The following MBD5 variants were observed in gnomAD, a reference collection of about 807,000 sequenced individuals.
MBD5 encodes methyl-CpG binding domain protein 5, also known as methyl-CpG-binding domain protein 5.
MBD5 carries 13 observed loss-of-function variants against 117.3 expected under a neutral mutation model. The ratio of observed to expected loss-of-function variants is 0.11; its 90% CI spans 0.07 to 0.18. MBD5 has a LOEUF of 0.18. Among genes scored for constraint, MBD5 ranks in the 10% least tolerant of loss-of-function variants. MBD5 has a pLI of 1.00. For missense variants in MBD5, 1,879 were observed against 2,093.8 expected (o/e 0.90, Z 2.00); for synonymous variants, 727 against 766.4 (o/e 0.95, Z 0.85).
intron 1 of MBD5, among the ~76,000 whole-genome samples, chr2:148,159,718 T>C (rs1417700075): frequency 2.0e-5 from 3 of 152,210 alleles, no homozygotes; most frequent in African/African-American, 7.2e-5. Flanking sequence ...AAACTCATAA[T>C]GCCTCTTCCG....
chr2:148,339,012 G>A (rs1702872985), intron 3 of MBD5, among the ~76,000 whole-genome samples: 1 of 152,314 alleles, frequency 6.6e-6, no homozygotes, highest in South Asian at 2.1e-4. Context: ...AACGTGGAGA[G>A]AAGCTAAAGT....
intron 4 of MBD5, among the ~76,000 whole-genome samples, chr2:148,388,529 A>C (rs1295372959): frequency 1.3e-5 from 2 of 152,348 alleles, no homozygotes; most frequent in African/African-American, 4.8e-5. Flanking sequence ...TATTTTATAC[A>C]TCATATAATT....
At chr2:148,089,109 A>G (rs1448065418) in intron 1 of MBD5, among the ~76,000 whole-genome samples, 1 of 152,136 alleles carries the variant, frequency 6.6e-6, no homozygotes, top group Non-Finnish European at 1.5e-5. Context: ...AGACACAGAC[A>G]GACATTATAC....
chr2:148,178,632 T>A lies in MBD5; in HGVS notation c.-924-68T>A, dbSNP rs1698443614. The A allele has an allele frequency of 7.6e-6, 3 of 394,206 alleles. No homozygotes were observed. The East Asian group carries it at 1.1e-4, about 14-fold the overall frequency. The allele number at this position is 394,206 out of a possible 1,614,324, so 24.4% of individuals were successfully genotyped here. A position where few individuals can be genotyped will look rare whatever the true frequency, so the allele number is the denominator to read the frequency against. ...ATGAAGAATAATTTCAATTTTTTTA[T>A]ATTTAAACTAAATGAAGCAATATCT... is the stretch of plus-strand genomic sequence containing the variant. On this transcript the variant is annotated intron_variant, in intron 1 of 13. Coordinates refer to ENST00000642680, the MANE Select transcript of MBD5 (RefSeq NM_001378120.1).
intron 1 of MBD5, among the ~76,000 whole-genome samples, chr2:148,147,679 T>C (rs949831910): frequency 6.6e-6 from 1 of 152,172 alleles, no homozygotes; most frequent in Non-Finnish European, 1.5e-5. Flanking sequence ...CTGTATTCTT[T>C]GTTGTGTGTG....
At chr2:148,467,797 T>G (rs1680603637) in intron 7 of MBD5, among the ~76,000 whole-genome samples, 1 of 152,198 alleles carries the variant, frequency 6.6e-6, no homozygotes, top group African/African-American at 2.4e-5. Flanking sequence ...ACGGTATCTG[T>G]TCTGAGAAGG....
chr2:148,316,015 AG>A (rs1340912587), intron 3 of MBD5, among the ~76,000 whole-genome samples: 1 of 152,194 alleles, frequency 6.6e-6, no homozygotes, highest in Non-Finnish European at 1.5e-5. Context: ...TAGAAGGTGA[AG>A]GGGAAGCAGG....
intron 1 of MBD5, among the ~76,000 whole-genome samples, chr2:148,038,438 A>G (rs1694256604): frequency 1.3e-5 from 2 of 150,908 alleles, no homozygotes; most frequent in Non-Finnish European, 1.5e-5. Flanking sequence ...TCAGGGTTGT[A>G]TCTTTTTTCT....
chr2:148,388,890 GTATGTAAT>G (rs902685329), intron 4 of MBD5, among the ~76,000 whole-genome samples: 1 of 151,910 alleles, frequency 6.6e-6, no homozygotes, highest in Non-Finnish European at 1.5e-5. Flanking sequence ...TGTTCCATGA[GTATGTAAT>G]GCTGGGGTTT....
At chr2:148,067,684 A>T (rs1316228170) in intron 1 of MBD5, among the ~76,000 whole-genome samples, 2 of 152,206 alleles carry the variant, frequency 1.3e-5, no homozygotes, top group African/African-American at 4.8e-5. Flanking sequence ...CTTGTCTTAC[A>T]TTATCCCCAG....
At chr2:148,334,885 G>T (rs1247976293) in intron 3 of MBD5, among the ~76,000 whole-genome samples, 1 of 152,058 alleles carries the variant, frequency 6.6e-6, no homozygotes, top group East Asian at 1.9e-4. Context: ...CAGTCTCAGG[G>T]TAAGACTTGA....
chr2:148,041,055 G>C (rs1022862528), intron 1 of MBD5, among the ~76,000 whole-genome samples: 3 of 152,028 alleles, frequency 2.0e-5, no homozygotes, highest in Non-Finnish European at 4.4e-5. Context: ...CTCAACCTCC[G>C]GGCTTAAGTG....
chr2:148,256,821 T>A (rs926917003), intron 3 of MBD5, among the ~76,000 whole-genome samples: 1 of 152,254 alleles, frequency 6.6e-6, no homozygotes, highest in Non-Finnish European at 1.5e-5. Flanking sequence ...CCCCATGACC[T>A]TATCTTGCAT....
At chr2:148,213,160 A>T (rs1454090300) in intron 2 of MBD5, among the ~76,000 whole-genome samples, 1 of 152,186 alleles carries the variant, frequency 6.6e-6, no homozygotes, top group Non-Finnish European at 1.5e-5. Context: ...TAGCTGAAAA[A>T]ATAATGATGA....
intron 3 of MBD5, among the ~76,000 whole-genome samples, chr2:148,267,496 T>C (rs1428860792): frequency 1.3e-5 from 2 of 152,192 alleles, no homozygotes; most frequent in Non-Finnish European, 2.9e-5. Context: ...TCGAATCACA[T>C]CACATTAATT....
intron 13 of MBD5, among the ~76,000 whole-genome samples, chr2:148,510,623 G>A (rs765995659): frequency 1.3e-5 from 2 of 152,178 alleles, no homozygotes; most frequent in African/African-American, 2.4e-5. Flanking sequence ...TTCACATATT[G>A]ACTGATGTAA....
intron 1 of MBD5, among the ~76,000 whole-genome samples, chr2:148,065,375 T>A (rs543513736): frequency 1.3e-5 from 2 of 152,252 alleles, no homozygotes; most frequent in African/African-American, 4.8e-5. Flanking sequence ...GCTGGACCAG[T>A]AGACCTGTGT....
intron 4 of MBD5, among the ~76,000 whole-genome samples, chr2:148,414,046 T>A (rs1419082057): frequency 6.6e-6 from 1 of 152,066 alleles, no homozygotes; most frequent in Non-Finnish European, 1.5e-5. Context: ...CTAGTTCTTC[T>A]AAGTGTGATA....
Position 148,469,452 on chromosome 2 carries a change from A to G in MBD5, c.1509A>G (p.Ser503=), listed in dbSNP as rs1465502500. ...CAACAATAGGGTCCCCAAGGCCATC[A>G]ATGCCATCAAGCCCTTCTACCAAGT... ...PRSTIGSPRP[S]MPSSPSTKSD... Residue 503 remains serine, a synonymous_variant, in exon 8 of 14, where the codon TCA becomes TCG. Coordinates refer to ENST00000642680, the MANE Select transcript of MBD5 (RefSeq NM_001378120.1). The G allele has an allele frequency of 5.6e-6, 9 of 1,613,810 alleles. No homozygotes were observed. The highest frequency in any genetic ancestry group is 7.6e-6 in the Non-Finnish European group (9 of 1,179,936).
Sources: allele counts gnomAD v4.1 joint callset (sites outside exome capture counted in the v4.1 genomes callset), GRCh38; gene constraint gnomAD v4.1.1; transcripts MANE v1.5; gene names NCBI Gene and HGNC (gene_info 2026-07-23, HGNC 2026-07-21).